ZNF626: variants seen among roughly 807,000 people sequenced by gnomAD.
The protein encoded by ZNF626 is zinc finger protein 626, also known as CTC-513N18.7.
Under a neutral mutation model 11.7 loss-of-function variants are expected in ZNF626, and 4 were observed. That is an observed-to-expected ratio of 0.34 (90% CI 0.17 to 0.78). The LOEUF is 0.78. ZNF626 is among the 30% of genes least tolerant of loss of function. The pLI, the probability that ZNF626 is intolerant of heterozygous loss-of-function variation, is 0.57. For missense variants in ZNF626, 588 were observed against 587.1 expected (o/e 1.00, Z -0.01); for synonymous variants, 179 against 198.6 (o/e 0.90, Z 0.83).
rs1969787484 is a variant in ZNF626 at position 20,624,005 on chromosome 19, C to T, written c.*285G>A. On this transcript the variant is annotated 3_prime_UTR_variant, in exon 4 of 4. Coordinates refer to ENST00000601440, the MANE Select transcript of ZNF626 (RefSeq NM_001076675.3). ...GGCTGGTTAAAAGATTTTCCCCATT[C>T]ATCACATTCACATGGTTTCTCTCCA... 1.0e-5 allele frequency: 6 copies of T among 589,552 alleles called. No individual in the cohort carries two copies. Among genetic ancestry groups the T allele is most frequent in the Non-Finnish European group, 1.8e-5 (6 of 325,902 alleles). 36.5% of individuals were successfully genotyped at this position (589,552 alleles called of 1,614,324 possible).
intron 1 of ZNF626, among the ~76,000 whole-genome samples, chr19:20,658,640 C>T (rs1970231129): frequency 1.3e-5 from 2 of 152,126 alleles, no homozygotes; most frequent in African/African-American, 4.8e-5. Context: ...GAGCTTTGTT[C>T]CAGGTCTGGC....
At chr19:20,661,183 C>A (rs1213877703) in intron 1 of ZNF626, among the ~76,000 whole-genome samples, 1 of 152,166 alleles carries the variant, frequency 6.6e-6, no homozygotes, top group Non-Finnish European at 1.5e-5. Flanking sequence ...AGAGACGCCA[C>A]GCTGCGGGTG....
chr19:20,625,987 C>G (rs1435527944), intron 3 of ZNF626, among the ~76,000 whole-genome samples: 1 of 152,144 alleles, frequency 6.6e-6, no homozygotes, highest in South Asian at 2.1e-4. Flanking sequence ...TGTTGACTGG[C>G]TGGGGTGACA....
intron 3 of ZNF626, among the ~76,000 whole-genome samples, chr19:20,627,151 CA>C (rs555004451): frequency 1.4e-4 from 21 of 151,192 alleles, no homozygotes; most frequent in African/African-American, 4.9e-4. Flanking sequence ...ATAAAAAATG[CA>C]AAAAACAATT....
intron 3 of ZNF626, among the ~76,000 whole-genome samples, chr19:20,626,537 G>T (rs1348376088): frequency 1.3e-5 from 2 of 152,066 alleles, no homozygotes; most frequent in Non-Finnish European, 2.9e-5. Context: ...GGCCAACATG[G>T]TGAAACCCTG....
rs1282537570 is a variant in ZNF626 at position 20,650,159 on chromosome 19, G to C, written c.4-3754C>G. On this transcript the variant is annotated intron_variant, in intron 1 of 3. Transcript: ENST00000601440. ...TAATTCTCATAACACCCTGGGAGCC[G>C]GTACTAAGTGTATGATAATTTTCAG... Among the ~76,000 whole-genome samples, 3 of 151,854 alleles carry C rather than the reference G, an allele frequency of 2.0e-5. No homozygotes were observed. The South Asian group carries it at 6.2e-4, about 32-fold the overall frequency.
At chr19:20,645,254 A>C in intron 3 of ZNF626, 1 of 1,422,202 alleles carries the variant, frequency 7.0e-7, no homozygotes, top group Non-Finnish European at 9.2e-7. Context: ...ATGAACAAAA[A>C]AAAATTCAAC....
intron 1 of ZNF626, among the ~76,000 whole-genome samples, chr19:20,660,504 G>A (rs2144799809): frequency 6.6e-6 from 1 of 152,148 alleles, no homozygotes; most frequent in South Asian, 2.1e-4. Flanking sequence ...TCAGCTCACT[G>A]CAACTTCCGC....
At chr19:20,661,571 C>CA, upstream of ZNF626, 1 of 1,147,116 alleles carries the variant, frequency 8.7e-7, no homozygotes, top group Admixed American at 2.1e-5. Context: ...CAGCGAGAGA[C>CA]AAAGGCCGCA....
At chr19:20,632,084 A>C (rs1409913704) in intron 3 of ZNF626, among the ~76,000 whole-genome samples, 2 of 152,100 alleles carry the variant, frequency 1.3e-5, no homozygotes, top group African/African-American at 4.8e-5. Context: ...CCGGGTTGAA[A>C]ATTCTTTTCT....
intron 1 of ZNF626, among the ~76,000 whole-genome samples, chr19:20,649,836 C>A (rs1021824342): frequency 2.1e-5 from 3 of 145,890 alleles, no homozygotes; most frequent in African/African-American, 7.4e-5. Context: ...CGCCCCTTGG[C>A]GCATTAGCAT....
chr19:20,640,746 A>T (rs1555771351), intron 3 of ZNF626, among the ~76,000 whole-genome samples: 1 of 152,052 alleles, frequency 6.6e-6, no homozygotes, highest in African/African-American at 2.4e-5. Context: ...AAATCTGTTG[A>T]TGATGCAATA....
Position 20,661,529 on chromosome 19 carries a change from T to C in ZNF626, c.-83A>G. On this transcript the variant is annotated 5_prime_UTR_variant, in exon 1 of 4. Transcript: ENST00000601440. ...CACGGGGCCACACAGCCTGGGCCTT[T>C]AGGAGAAGAACCAGACCTGGAGCTC... The C allele has an allele frequency of 7.6e-7, 1 of 1,322,730 alleles. No individual in the cohort carries two copies. The highest frequency in any genetic ancestry group is 1.0e-6 in the Non-Finnish European group (1 of 987,404). The allele number at this position is 1,322,730 out of a possible 1,614,324, so 81.9% of individuals were successfully genotyped here. A position where few individuals can be genotyped will look rare whatever the true frequency, so the allele number is the denominator to read the frequency against.
chr19:20,643,717 G>A (rs1394937417), intron 3 of ZNF626, among the ~76,000 whole-genome samples: 3 of 152,134 alleles, frequency 2.0e-5, no homozygotes, highest in Non-Finnish European at 4.4e-5. Context: ...AGGCATTATG[G>A]TTCACATCTG....
At chr19:20,651,327 C>CATAT (rs1343061129) in intron 1 of ZNF626, among the ~76,000 whole-genome samples, 2 of 151,496 alleles carry the variant, frequency 1.3e-5, no homozygotes, top group Non-Finnish European at 2.9e-5. Context: ...TTATACCAAC[C>CATAT]ATATGATGCA....
chr19:20,628,896 T>C (rs1969870877), intron 3 of ZNF626, among the ~76,000 whole-genome samples: 1 of 152,246 alleles, frequency 6.6e-6, no homozygotes. Flanking sequence ...GGTTTTCTTC[T>C]AGGGTTTTTA....
At position 20,624,292 on chromosome 19, in the gene ZNF626, A is replaced by T. The variant is rs111632020; in HGVS notation, c.1585T>A (p.Ter529LysextTer84). 6.2e-7 allele frequency: 1 copy of T among 1,613,138 alleles called. No individual in the cohort carries two copies. Among genetic ancestry groups the T allele is most frequent in the Non-Finnish European group, 8.5e-7 (1 of 1,179,790 alleles). The change falls in exon 4 of 4, where the codon TAA (stop) becomes AAA (lysine). Residue 529 changes from the stop codon to lysine (K), a stop_lost. Coordinates refer to ENST00000601440, the MANE Select transcript of ZNF626 (RefSeq NM_001076675.3). ...SGPHTLLHIR[*>K] is the part of the protein sequence containing the mutation. ...GTAGAATTTCTCTCCAGTATGAATT[A>T]TCTTATGTGTAGTAAGGTGTGAGGA...
intron 3 of ZNF626, among the ~76,000 whole-genome samples, chr19:20,633,669 A>T (rs1205206221): frequency 2.0e-5 from 3 of 151,994 alleles, no homozygotes; most frequent in Non-Finnish European, 4.4e-5. Flanking sequence ...GAGTGACCAA[A>T]TTTTCCAGTT....
intron 3 of ZNF626, among the ~76,000 whole-genome samples, chr19:20,629,172 T>C (rs1969874306): frequency 1.3e-5 from 2 of 152,290 alleles, no homozygotes; most frequent in Admixed American, 6.5e-5. Flanking sequence ...ACCATGCTGT[T>C]TTGGTTACTG....
Sources: gnomAD v4.1 joint callset for allele counts (sites outside exome capture counted in the v4.1 genomes callset) on GRCh38, gnomAD v4.1.1 for gene constraint, MANE v1.5 for transcripts, NCBI Gene and HGNC (gene_info 2026-07-23, HGNC 2026-07-21) for gene names.